The following FSTL5 variants were observed in gnomAD, a reference collection of about 807,000 sequenced individuals.
The protein encoded by FSTL5 is follistatin like 5.
In FSTL5, 62 loss-of-function variants were observed where a neutral mutation model predicts 89.1. That is an observed-to-expected ratio of 0.70 (90% CI 0.57 to 0.86). The LOEUF (loss-of-function observed/expected upper bound fraction) is 0.86, where lower values mean the gene tolerates loss of function less well. Among genes scored for constraint, FSTL5 ranks in the 40% least tolerant of loss-of-function variants. The pLI is 0.00. For missense variants in FSTL5, 1,057 were observed against 1,001.6 expected, an observed-to-expected ratio of 1.06 and a Z score of -0.75; for synonymous variants, 383 against 346.2, an observed-to-expected ratio of 1.11 and a Z score of -1.18.
intron 5 of FSTL5, among the ~76,000 whole-genome samples, chr4:161,762,143 ATTTTTGTTTGTTTGTTTTTG>A (rs1012294260): frequency 3.8e-4 from 58 of 152,110 alleles, no homozygotes; most frequent in African/African-American, 1.4e-3. Context: ...GGTACCCAGA[ATTTTTGTTTGTTTGTTTTTG>A]TTTTTGTTTG....
chr4:161,784,750 C>T (rs1005701744), intron 4 of FSTL5, among the ~76,000 whole-genome samples: 1 of 151,706 alleles, frequency 6.6e-6, no homozygotes, highest in Non-Finnish European at 1.5e-5. Context: ...AAAAATTAGC[C>T]GGACGTGGTG....
intron 3 of FSTL5, among the ~76,000 whole-genome samples, chr4:161,983,014 A>T (rs1159184248): frequency 6.6e-6 from 1 of 152,218 alleles, no homozygotes; most frequent in Non-Finnish European, 1.5e-5. Flanking sequence ...AATCTTCAAA[A>T]AAATGAAGTT....
intron 7 of FSTL5, among the ~76,000 whole-genome samples, chr4:161,649,287 C>T (rs934204613): frequency 7.2e-5 from 11 of 152,234 alleles, no homozygotes; most frequent in East Asian, 1.9e-4. Context: ...AAACTGTTTA[C>T]GAAACTGATG....
At chr4:162,013,091 G>GA (rs1196789778) in intron 3 of FSTL5, among the ~76,000 whole-genome samples, 1 of 151,782 alleles carries the variant, frequency 6.6e-6, no homozygotes, top group Non-Finnish European at 1.5e-5. Context: ...GGCTGAGGCA[G>GA]AAGAATTGCT....
chr4:161,923,172 C>CTA, intron 3 of FSTL5, among the ~76,000 whole-genome samples: 1 of 151,862 alleles, frequency 6.6e-6, no homozygotes, highest in East Asian at 1.9e-4. Flanking sequence ...TACTTTGCTT[C>CTA]TATGTTTGGC....
chr4:161,812,733 A>G (rs1046383702), intron 4 of FSTL5, among the ~76,000 whole-genome samples: 2 of 151,962 alleles, frequency 1.3e-5, no homozygotes, highest in Admixed American at 1.3e-4. Flanking sequence ...ATCCTAGTCT[A>G]CATTTTCAAC....
chr4:161,888,041 T>C (rs1181824348), intron 4 of FSTL5, among the ~76,000 whole-genome samples: 1 of 149,370 alleles, frequency 6.7e-6, no homozygotes, highest in African/African-American at 2.5e-5. Flanking sequence ...TCTCATGAGA[T>C]CTGATGGTTT....
chr4:162,081,328 G>T (rs1267221075), intron 2 of FSTL5, among the ~76,000 whole-genome samples: 2 of 151,568 alleles, frequency 1.3e-5, no homozygotes, highest in Admixed American at 6.6e-5. Context: ...GGCACTAGGG[G>T]AGGGCCCTTT....
chr4:161,540,463 C>A (rs915944528), intron 9 of FSTL5, among the ~76,000 whole-genome samples: 4 of 152,068 alleles, frequency 2.6e-5, no homozygotes, highest in Non-Finnish European at 2.9e-5. Flanking sequence ...TAGAAGTGAT[C>A]AGAAAGCAAC....
At chr4:161,926,522 T>C (rs1376067491) in intron 3 of FSTL5, among the ~76,000 whole-genome samples, 1 of 151,592 alleles carries the variant, frequency 6.6e-6, no homozygotes, top group African/African-American at 2.4e-5. Flanking sequence ...TGTTAATGAA[T>C]GTTTGCTAGG....
chr4:161,532,346 A>T (rs1731440962), intron 10 of FSTL5, among the ~76,000 whole-genome samples: 1 of 152,186 alleles, frequency 6.6e-6, no homozygotes, highest in African/African-American at 2.4e-5. Context: ...TATTAAAGAT[A>T]AGAAAACTAA....
chr4:161,791,571 C>T (rs1729478765), intron 4 of FSTL5, among the ~76,000 whole-genome samples: 2 of 152,100 alleles, frequency 1.3e-5, no homozygotes, highest in African/African-American at 4.8e-5. Context: ...GGCTGTGTTC[C>T]AATAATATGT....
chr4:161,860,151 G>A lies in FSTL5; in HGVS notation c.409+60253C>T, dbSNP rs1049321420. On this transcript the variant is annotated intron_variant, in intron 4 of 15. Transcript: ENST00000306100. ...AAAATACAAAAAATTAGCCGGGCGT[G>A]GTGGCGGGCGCCTGTAGTCCCAGCT... 1.2e-4 allele frequency among the ~76,000 whole-genome samples: 18 copies of A among 152,176 alleles called. No individual in the cohort carries two copies. The East Asian group carries it at 1.8e-3, about 15-fold the overall frequency.
intron 7 of FSTL5, among the ~76,000 whole-genome samples, chr4:161,640,833 CAA>C (rs1445779565): frequency 1.5e-5 from 2 of 133,760 alleles, no homozygotes; most frequent in East Asian, 3.9e-4. Context: ...AAGATGAACT[CAA>C]AGAGACACAT....
At chr4:161,586,012 T>G (rs899031959) in intron 8 of FSTL5, among the ~76,000 whole-genome samples, 1 of 152,238 alleles carries the variant, frequency 6.6e-6, no homozygotes, top group African/African-American at 2.4e-5. Context: ...GAACTAGATC[T>G]GCTCCCCTGG....
chr4:161,844,752 G>A (rs981382543), intron 4 of FSTL5, among the ~76,000 whole-genome samples: 1 of 152,064 alleles, frequency 6.6e-6, no homozygotes, highest in African/African-American at 2.4e-5. Flanking sequence ...AGAACACATG[G>A]ACACAGGGAG....
At chr4:162,021,442 T>C (rs1737082078) in intron 3 of FSTL5, among the ~76,000 whole-genome samples, 1 of 152,164 alleles carries the variant, frequency 6.6e-6, no homozygotes, top group African/African-American at 2.4e-5. Context: ...CCCAAAGATA[T>C]TTTTCAATAT....
intron 1 of FSTL5, among the ~76,000 whole-genome samples, chr4:162,136,007 A>G (rs898734028): frequency 6.6e-6 from 1 of 151,930 alleles, no homozygotes; most frequent in African/African-American, 2.4e-5. Flanking sequence ...CATATATATT[A>G]TCTTTCCTAA....
At chr4:161,408,534 A>G (rs533606201) in intron 15 of FSTL5, among the ~76,000 whole-genome samples, 31 of 152,294 alleles carry the variant, frequency 2.0e-4, no homozygotes, top group Non-Finnish European at 2.8e-4. Context: ...CTTATCCCCA[A>G]ATGAGCTCAC....
Sources: allele counts gnomAD v4.1 joint callset (sites outside exome capture counted in the v4.1 genomes callset), GRCh38; gene constraint gnomAD v4.1.1; transcripts MANE v1.5; gene names NCBI Gene and HGNC (gene_info 2026-07-23, HGNC 2026-07-21).